LRRC37A: variants seen among roughly 807,000 people sequenced by gnomAD.
LRRC37A encodes the protein leucine-rich repeat-containing protein 37A.
In LRRC37A, 3 loss-of-function variants were observed where a neutral mutation model predicts 35.4. That is an observed-to-expected ratio of 0.08 (90% CI 0.04 to 0.22). The LOEUF is 0.22. LRRC37A is among the 10% of genes least tolerant of loss of function. The probability of loss-of-function intolerance (pLI) is 1.00; values close to 1 mark genes in which losing one functional copy is unlikely to be tolerated. For missense variants in LRRC37A, 67 were observed against 565.3 expected (o/e 0.12, Z 8.94); for synonymous variants, 23 against 215.0 (o/e 0.11, Z 7.81).
At chr17:46,265,604 A>C in the LRRC37A span, among the ~76,000 whole-genome samples, 1 of 60,262 alleles carries the variant, frequency 1.7e-5, no homozygotes, top group African/African-American at 4.9e-5. Flanking sequence ...TCAGCTTCCC[A>C]TGTGGCTGGG....
chr17:46,333,041 G>A (rs1468911509), intron 10 of LRRC37A, among the ~76,000 whole-genome samples: 2 of 133,766 alleles, frequency 1.5e-5, no homozygotes, highest in South Asian at 2.6e-4. Context: ...CCACCCTCAC[G>A]GAGTTGTCAT....
At chr17:46,282,382 C>T in the LRRC37A span, among the ~76,000 whole-genome samples, 1 of 151,934 alleles carries the variant, frequency 6.6e-6, no homozygotes, top group Non-Finnish European at 1.5e-5. Flanking sequence ...GGATTACAGG[C>T]GTGATCCACC....
chr17:46,305,168 C>T (rs1232929979), intron 3 of LRRC37A, among the ~76,000 whole-genome samples: 12 of 99,504 alleles, frequency 1.2e-4, no homozygotes, highest in African/African-American at 3.3e-4. Flanking sequence ...GCACCCGGCC[C>T]GACTATTTTT....
the LRRC37A span, among the ~76,000 whole-genome samples, chr17:46,265,329 T>C: frequency 1.8e-5 from 2 of 108,756 alleles, no homozygotes; most frequent in African/African-American, 5.3e-5. Context: ...TTCTTCTTTT[T>C]TTCTCCTCTT....
the LRRC37A span, among the ~76,000 whole-genome samples, chr17:46,261,161 G>T: frequency 2.0e-5 from 3 of 152,170 alleles, no homozygotes; most frequent in Non-Finnish European, 4.4e-5. Flanking sequence ...CACCACTAAA[G>T]AACTTACTTA....
chr17:46,267,831 A>C, the LRRC37A span, among the ~76,000 whole-genome samples: 1 of 151,680 alleles, frequency 6.6e-6, no homozygotes, highest in Non-Finnish European at 1.5e-5. Flanking sequence ...CTGAGTTTAG[A>C]AAAGCTGCTT....
the LRRC37A span, among the ~76,000 whole-genome samples, chr17:46,283,857 T>C: frequency 3.3e-5 from 5 of 152,132 alleles, no homozygotes; most frequent in Non-Finnish European, 5.9e-5. Flanking sequence ...GGAGAGAAGG[T>C]CAGCAGATAA....
chr17:46,271,164 C>CT, the LRRC37A span, among the ~76,000 whole-genome samples: 29,598 of 120,246 alleles, frequency 0.25, 4,922 homozygotes, highest in South Asian at 0.52. Flanking sequence ...GTAATAGTTT[C>CT]TTTTTTTTTT....
At chr17:46,271,318 A>G in the LRRC37A span, among the ~76,000 whole-genome samples, 1 of 148,342 alleles carries the variant, frequency 6.7e-6, no homozygotes, top group African/African-American at 2.5e-5. Context: ...GGCATGCGCC[A>G]CTTTACCTAG....
chr17:46,252,178 A>T, the LRRC37A span, among the ~76,000 whole-genome samples: 10 of 151,904 alleles, frequency 6.6e-5, no homozygotes, highest in African/African-American at 1.9e-4. Flanking sequence ...ATAAAGTATC[A>T]GGTATTTACT....
chr17:46,249,694 G>A, the LRRC37A span, among the ~76,000 whole-genome samples: 1 of 152,198 alleles, frequency 6.6e-6, no homozygotes, highest in East Asian at 1.9e-4. Flanking sequence ...GTGGGGAGCT[G>A]TAGGACCAGG....
At chr17:46,264,374 T>C in the LRRC37A span, among the ~76,000 whole-genome samples, 7 of 152,374 alleles carry the variant, frequency 4.6e-5, no homozygotes, top group East Asian at 1.3e-3. Flanking sequence ...GTTGGTCTCT[T>C]GGGTTCTTCC....
chr17:46,291,812 CAG>C (rs1304609339), upstream of LRRC37A, among the ~76,000 whole-genome samples: 1 of 151,754 alleles, frequency 6.6e-6, no homozygotes, highest in Non-Finnish European at 1.5e-5. Flanking sequence ...CAAAATTAGC[CAG>C]AGATGGTGGC....
the LRRC37A span, among the ~76,000 whole-genome samples, chr17:46,262,522 AT>A: frequency 0.11 from 15,605 of 144,452 alleles, 1 homozygote; most frequent in Middle Eastern, 0.17. Flanking sequence ...CCCAGTAAGG[AT>A]TTAAAAGCTC....
chr17:46,248,706 G>T, the LRRC37A span, among the ~76,000 whole-genome samples: 1 of 151,956 alleles, frequency 6.6e-6, no homozygotes, highest in Non-Finnish European at 1.5e-5. Context: ...TTTTAGTAGA[G>T]ACGAGGTTTC....
chr17:46,278,526 C>T, the LRRC37A span, among the ~76,000 whole-genome samples: 1 of 151,736 alleles, frequency 6.6e-6, no homozygotes, highest in Admixed American at 6.6e-5. Context: ...ACCTCAGCCT[C>T]CTGAGTAGCT....
chr17:46,263,611 T>C, the LRRC37A span, among the ~76,000 whole-genome samples: 2 of 149,524 alleles, frequency 1.3e-5, no homozygotes, highest in Non-Finnish European at 3.0e-5. Context: ...TCCCAGCACT[T>C]TGAGAGGCTG....
intron 5 of LRRC37A, among the ~76,000 whole-genome samples, chr17:46,313,030 A>G (rs2050891086): frequency 9.1e-6 from 1 of 110,284 alleles, no homozygotes; most frequent in Non-Finnish European, 1.9e-5. Flanking sequence ...ACAGTACAAC[A>G]TGCTTCTTTG....
intron 3 of LRRC37A, among the ~76,000 whole-genome samples, chr17:46,304,951 G>C (rs1447050625): frequency 4.4e-5 from 3 of 67,626 alleles, no homozygotes; most frequent in Non-Finnish European, 9.3e-5. Flanking sequence ...TCACTGCAAG[G>C]TCCGCCTCCT....
Sources: allele counts gnomAD v4.1 joint callset (sites outside exome capture counted in the v4.1 genomes callset), GRCh38; gene constraint gnomAD v4.1.1; transcripts MANE v1.5; gene names NCBI Gene and HGNC (gene_info 2026-07-23, HGNC 2026-07-21).